IFT122: variants seen among roughly 807,000 people sequenced by gnomAD.
The protein encoded by IFT122 is intraflagellar transport 122, also known as intraflagellar transport protein 122 homolog.
IFT122 carries 118 observed loss-of-function variants against 161.6 expected under a neutral mutation model. The observed-to-expected ratio is 0.73, with a 90% CI of 0.63 to 0.85. The LOEUF (loss-of-function observed/expected upper bound fraction) is 0.85, where lower values mean the gene tolerates loss of function less well. Among genes scored for constraint, IFT122 ranks in the 40% least tolerant of loss-of-function variants. IFT122 has a pLI of 0.00. For synonymous variants in IFT122, 550 were observed against 602.4 expected, an observed-to-expected ratio of 0.91 and a Z score of 1.27; for missense variants, 1,381 against 1,579.6, an observed-to-expected ratio of 0.87 and a Z score of 2.13.
chr3:129,481,467 T>C, intron 13 of IFT122, 63 bp from the exon 14 acceptor site: 1 of 1,355,146 alleles, frequency 7.4e-7, no homozygotes, highest in Non-Finnish European at 1.1e-6. Flanking sequence ...TCCAACGGCC[T>C]GGCAGTGGGC....
At chr3:129,477,884 C>G in intron 11 of IFT122, 132 bp from the exon 12 acceptor site, 1 of 748,210 alleles carries the variant, frequency 1.3e-6, no homozygotes, top group Non-Finnish European at 2.3e-6. Flanking sequence ...ATTAGATACT[C>G]TAAAGATTTT....
At chr3:129,506,267 C>A in intron 21 of IFT122, 142 bp from the exon 22 acceptor site, 1 of 905,456 alleles carries the variant, frequency 1.1e-6, no homozygotes, top group Non-Finnish European at 1.8e-6. Flanking sequence ...AAGCGCCATC[C>A]CAGCAACGAA....
At chr3:129,457,399 C>T (rs909439754) in intron 3 of IFT122, among the ~76,000 whole-genome samples, 13 of 152,200 alleles carry the variant, frequency 8.5e-5, no homozygotes, top group Admixed American at 5.9e-4. Context: ...CCTTCCACAA[C>T]CCACCTCACC....
chr3:129,492,816 CTTTTTTTTT>C (rs376279677), intron 17 of IFT122, among the ~76,000 whole-genome samples: 1 of 125,716 alleles, frequency 8.0e-6, no homozygotes, highest in African/African-American at 3.0e-5. Flanking sequence ...CTTTTTTTTT[CTTTTTTTTT>C]TTTTTTTTTC....
At chr3:129,507,827 C>A in intron 23 of IFT122, 65 bp downstream of exon 23, 1 of 1,208,474 alleles carries the variant, frequency 8.3e-7, no homozygotes, top group Non-Finnish European at 1.2e-6. Flanking sequence ...CCGGGCATAT[C>A]TAAAGAGCAG....
At chr3:129,448,394 AGATT>A (rs1347966921) in intron 1 of IFT122, among the ~76,000 whole-genome samples, 2 of 152,216 alleles carry the variant, frequency 1.3e-5, no homozygotes, top group Non-Finnish European at 2.9e-5. Flanking sequence ...AGGGCACAAA[AGATT>A]GATTGGATTG....
At chr3:129,461,416 C>T in intron 5 of IFT122, 112 bp downstream of exon 5, 2 of 810,260 alleles carry the variant, frequency 2.5e-6, no homozygotes, top group South Asian at 1.4e-5. Flanking sequence ...AATACTACTT[C>T]TCTACCTTCA....
rs149245630 is a variant in IFT122 at position 129,514,531 on chromosome 3, G to A, written c.3130G>A (p.Ala1044Thr). The A allele has an allele frequency of 6.2e-6, 10 of 1,614,210 alleles. 1 individual carries two copies. Among genetic ancestry groups the A allele is most frequent in the South Asian group, 5.5e-5 (5 of 91,086 alleles). Residue 1044 changes from alanine (A) to threonine (T), a missense_variant, in exon 25 of 30, where the codon GCC becomes ACC. Coordinates refer to ENST00000348417, the MANE Select transcript of IFT122 (RefSeq NM_052989.3). ...TGAGCTGGGTACCCTGACCATCCGCGCCAAGCCCTTCCACGACAGTGAGGT... is the reference window on the plus strand; with the variant it reads ...TGAGCTGGGTACCCTGACCATCCGCACCAAGCCCTTCCACGACAGTGAGGT... ...SIELGTLTIR[A>T]KPFHDSEELV...
At chr3:129,485,683 A>G (rs1445333283) in intron 15 of IFT122, among the ~76,000 whole-genome samples, 1 of 152,256 alleles carries the variant, frequency 6.6e-6, no homozygotes, top group Non-Finnish European at 1.5e-5. Flanking sequence ...GACCTCAAAA[A>G]TAAATGCAGT....
intron 27 of IFT122, among the ~76,000 whole-genome samples, chr3:129,518,474 T>C (rs1005931787): frequency 6.6e-6 from 1 of 152,130 alleles, no homozygotes; most frequent in African/African-American, 2.4e-5. Context: ...GGGGCCACAC[T>C]GGGAGGAGGG....
At chr3:129,516,207 G>C (rs1199573809) in intron 26 of IFT122, among the ~76,000 whole-genome samples, 15 of 116,354 alleles carry the variant, frequency 1.3e-4, no homozygotes, top group Admixed American at 1.0e-3. Flanking sequence ...CACACACACG[G>C]AGACTGCCTC....
chr3:129,497,902 G>A (rs1416760181), intron 18 of IFT122, among the ~76,000 whole-genome samples: 2 of 152,098 alleles, frequency 1.3e-5, no homozygotes, highest in Non-Finnish European at 2.9e-5. Context: ...ACATTCCCAC[G>A]TACAAATAAA....
chr3:129,479,544 T>C (rs1404670358), intron 12 of IFT122, among the ~76,000 whole-genome samples: 1 of 152,198 alleles, frequency 6.6e-6, no homozygotes, highest in Non-Finnish European at 1.5e-5. Context: ...GTGCTGCCTC[T>C]GGCCTAGGCT....
chr3:129,504,358 G>A lies in IFT122; in HGVS notation c.2587G>A (p.Asp863Asn). 2 of 1,614,134 alleles carry A rather than the reference G, an allele frequency of 1.2e-6. No homozygotes were observed. Among genetic ancestry groups the A allele is most frequent in the Non-Finnish European group, 1.7e-6 (2 of 1,180,000 alleles). ...LGEKHPEFKD[D>N]IYMPYAQWLA... is the part of the protein sequence containing the mutation. ...TGAGAAGCATCCTGAGTTTAAGGAT[G>A]ACATCTACATGCCGTATGCTCAGTG... Residue 863 changes from aspartate (D) to asparagine (N), a missense_variant, in exon 21 of 30, where the codon GAC (aspartate) becomes AAC (asparagine). Physicochemically the swap from Asp to Asn is conservative, Grantham distance 23 (BLOSUM62 1). This residue lies in a region of IFT122 where 496 missense variants were observed against 502.5 expected (regional missense o/e 0.99). Transcript: ENST00000348417.
intron 23 of IFT122, among the ~76,000 whole-genome samples, chr3:129,510,442 T>C (rs992363749): frequency 7.2e-5 from 11 of 152,180 alleles, no homozygotes; most frequent in Non-Finnish European, 1.3e-4. Flanking sequence ...CCTTACAGTC[T>C]TTGGCTTTCC....
At position 129,512,438 on chromosome 3, in the gene IFT122, G is replaced by T. The variant is rs551553920; in HGVS notation, c.2987+26G>T. 35 of 1,468,488 alleles carry T rather than the reference G, an allele frequency of 2.4e-5. No homozygotes were observed. The South Asian group carries it at 3.7e-4, about 16-fold the overall frequency. 91.0% of individuals were successfully genotyped at this position (1,468,488 alleles called of 1,614,324 possible). On this transcript the variant is annotated intron_variant, in intron 24 of 29. Transcript: ENST00000348417. The stretch of plus-strand genomic sequence containing the variant: ...GTATCCTTTCTCTTATCCCTCCTCC[G>T]TCCCACCACCGTTCTTGTCTAATGG...
chr3:129,495,938 T>C (rs946717832), intron 18 of IFT122, among the ~76,000 whole-genome samples: 1 of 152,176 alleles, frequency 6.6e-6, no homozygotes, highest in African/African-American at 2.4e-5. Context: ...CCACAAATCC[T>C]CTCAATCCTT....
chr3:129,498,416 C>T (rs78590439), intron 18 of IFT122, among the ~76,000 whole-genome samples: 1 of 152,366 alleles, frequency 6.6e-6, no homozygotes. Flanking sequence ...GCCATAGCAG[C>T]TGCCAGAAGG....
At chr3:129,508,008 G>T (rs1345954881) in intron 23 of IFT122, among the ~76,000 whole-genome samples, 1 of 152,248 alleles carries the variant, frequency 6.6e-6, no homozygotes, top group African/African-American at 2.4e-5. Flanking sequence ...TAGTTCCTCA[G>T]TGCAGGCTTT....
Sources: gnomAD v4.1 joint callset for allele counts (sites outside exome capture counted in the v4.1 genomes callset) on GRCh38, gnomAD v4.1.1 for gene constraint, gnomAD v4.1.1 regional missense constraint, MANE v1.5 for transcripts, NCBI Gene and HGNC (gene_info 2026-07-23, HGNC 2026-07-21) for gene names.